Variants in SLC9A9 observed in about 807,000 individuals in gnomAD.
The protein encoded by SLC9A9 is sodium/hydrogen exchanger 9.
In SLC9A9, 62 loss-of-function variants were observed where a neutral mutation model predicts 77.8. The observed-to-expected ratio is 0.80, with a 90% CI of 0.65 to 0.98. The LOEUF (loss-of-function observed/expected upper bound fraction) is 0.98, where lower values mean the gene tolerates loss of function less well. Among genes scored for constraint, SLC9A9 ranks in the 50% least tolerant of loss-of-function variants. The pLI, the probability that SLC9A9 is intolerant of heterozygous loss-of-function variation, is 0.00. For missense variants in SLC9A9, 775 were observed against 774.9 expected, an observed-to-expected ratio of 1.00 and a Z score of 0.00; for synonymous variants, 320 against 283.5, an observed-to-expected ratio of 1.13 and a Z score of -1.29.
At chr3:143,762,616 C>A (rs1030162206) in intron 4 of SLC9A9, among the ~76,000 whole-genome samples, 2 of 152,146 alleles carry the variant, frequency 1.3e-5, no homozygotes, top group African/African-American at 4.8e-5. Context: ...GGCAATAAAA[C>A]TACCTAGAAT....
At chr3:143,352,845 A>C (rs1465859291) in intron 14 of SLC9A9, among the ~76,000 whole-genome samples, 1 of 152,118 alleles carries the variant, frequency 6.6e-6, no homozygotes, top group Non-Finnish European at 1.5e-5. Flanking sequence ...ATTATTTTCA[A>C]TTTATTCTTC....
At chr3:143,639,708 T>A (rs2038589015) in intron 6 of SLC9A9, among the ~76,000 whole-genome samples, 1 of 152,180 alleles carries the variant, frequency 6.6e-6, no homozygotes, top group African/African-American at 2.4e-5. Context: ...ACCCATTGGA[T>A]AAACAACAGC....
intron 15 of SLC9A9, among the ~76,000 whole-genome samples, chr3:143,268,358 G>A (rs973951304): frequency 6.6e-6 from 1 of 152,040 alleles, no homozygotes; most frequent in African/African-American, 2.4e-5. Context: ...TAAAAATATT[G>A]GTAACAATAA....
At chr3:143,363,080 T>G (rs183096672) in intron 14 of SLC9A9, among the ~76,000 whole-genome samples, 6 of 152,114 alleles carry the variant, frequency 3.9e-5, no homozygotes, top group Admixed American at 2.6e-4. Context: ...GGGAGAAGGG[T>G]GCAGGAGCTT....
chr3:143,313,998 C>A (rs116027655), intron 14 of SLC9A9, among the ~76,000 whole-genome samples: 2,248 of 152,264 alleles, frequency 0.015, 50 homozygotes, highest in African/African-American at 0.05. Context: ...AGGGCATGGG[C>A]GGGGTGGAGA....
Position 143,266,369 on chromosome 3 carries a change from G to A in SLC9A9, c.*333C>T, listed in dbSNP as rs1225333278. The A allele has an allele frequency of 3.6e-6, 2 of 554,600 alleles. No homozygotes were observed. Among genetic ancestry groups the A allele is most frequent in the East Asian group, 3.1e-5 (1 of 32,198 alleles). 34.4% of individuals were successfully genotyped at this position (554,600 alleles called of 1,614,324 possible). A position where few individuals can be genotyped will look rare whatever the true frequency, so the allele number is the denominator to read the frequency against. ...CCAGAATAGAAGTGAAGGGCCTGGA[G>A]AGCCGCATTCGCAGCAGAAATGCCC... is the stretch of plus-strand genomic sequence containing the variant. On this transcript the variant is annotated 3_prime_UTR_variant, in exon 16 of 16. Coordinates refer to ENST00000316549, the MANE Select transcript of SLC9A9 (RefSeq NM_173653.4).
chr3:143,800,052 A>G (rs535936309), intron 2 of SLC9A9, among the ~76,000 whole-genome samples: 46 of 152,278 alleles, frequency 3.0e-4, no homozygotes, highest in African/African-American at 1.0e-3. Context: ...TATTAAGTCG[A>G]GACATTTTAA....
rs551606721 is a variant in SLC9A9, at chr3:143,503,602, G to T, written c.1090-8154C>A. 5.9e-5 allele frequency: 26 copies of T among 442,764 alleles called. No homozygotes were observed. In the East Asian group the frequency reaches 1.5e-3, roughly 26 times the overall value. The allele number at this position is 442,764 out of a possible 1,614,324, so 27.4% of individuals were successfully genotyped here. On this transcript the variant is annotated intron_variant, in intron 9 of 15. Transcript: ENST00000316549. Reference sequence around the variant, plus strand: ...GAAGGATATGCCAATGAGCTTCCTGGTTCAGCTCAGGGATGACCTTGCCCA... The same window carrying T: ...GAAGGATATGCCAATGAGCTTCCTGTTTCAGCTCAGGGATGACCTTGCCCA...
At chr3:143,756,775 C>T (rs904693224) in intron 4 of SLC9A9, among the ~76,000 whole-genome samples, 3 of 152,124 alleles carry the variant, frequency 2.0e-5, no homozygotes, top group South Asian at 2.1e-4. Flanking sequence ...AATGTGTATG[C>T]TTCTTTTAAT....
At chr3:143,601,630 A>G (rs566966715) in intron 6 of SLC9A9, among the ~76,000 whole-genome samples, 1 of 152,304 alleles carries the variant, frequency 6.6e-6, no homozygotes, top group African/African-American at 2.4e-5. Flanking sequence ...CACTTTCCAA[A>G]TTCATGTATT....
At chr3:143,649,562 G>A (rs2038763868) in intron 6 of SLC9A9, among the ~76,000 whole-genome samples, 1 of 152,048 alleles carries the variant, frequency 6.6e-6, no homozygotes, top group Admixed American at 6.5e-5. Context: ...ATTAATAATA[G>A]GCTTCTTATA....
At chr3:143,421,696 G>C (rs2034300064) in intron 12 of SLC9A9, among the ~76,000 whole-genome samples, 1 of 152,156 alleles carries the variant, frequency 6.6e-6, no homozygotes, top group African/African-American at 2.4e-5. Flanking sequence ...AAGAATTTAT[G>C]ACTAAGCCCT....
intron 11 of SLC9A9, among the ~76,000 whole-genome samples, chr3:143,470,440 A>G (rs1322100613): frequency 6.6e-6 from 1 of 150,404 alleles, no homozygotes; most frequent in East Asian, 2.0e-4. Context: ...AGATCGCGCC[A>G]TTGTACTCCA....
chr3:143,391,899 G>A (rs779189695), intron 12 of SLC9A9, among the ~76,000 whole-genome samples: 4 of 152,078 alleles, frequency 2.6e-5, no homozygotes, highest in Admixed American at 6.5e-5. Context: ...GAAGTTTAGA[G>A]AAAAAAGAGT....
chr3:143,499,942 A>G (rs1301665297), intron 9 of SLC9A9, among the ~76,000 whole-genome samples: 1 of 152,214 alleles, frequency 6.6e-6, no homozygotes, highest in African/African-American at 2.4e-5. Context: ...GTCATTATAT[A>G]TTAACCTTTT....
At chr3:143,494,096 C>T (rs1162152544) in intron 10 of SLC9A9, among the ~76,000 whole-genome samples, 1 of 152,166 alleles carries the variant, frequency 6.6e-6, no homozygotes, top group Non-Finnish European at 1.5e-5. Context: ...AGGCAGAGAC[C>T]ATTCAGATGC....
At chr3:143,564,865 T>C (rs1369380000) in intron 8 of SLC9A9, among the ~76,000 whole-genome samples, 1 of 152,190 alleles carries the variant, frequency 6.6e-6, no homozygotes, top group Admixed American at 6.6e-5. Flanking sequence ...AAAAATATCC[T>C]CTATGTAAAT....
chr3:143,377,030 A>G (rs1010643437), intron 13 of SLC9A9, among the ~76,000 whole-genome samples: 2 of 152,178 alleles, frequency 1.3e-5, no homozygotes, highest in Admixed American at 1.3e-4. Context: ...AGTTTGGGGG[A>G]TGGGTATGTT....
intron 13 of SLC9A9, among the ~76,000 whole-genome samples, chr3:143,374,411 A>G (rs2033130539): frequency 8.1e-6 from 1 of 123,342 alleles, no homozygotes; most frequent in Non-Finnish European, 1.6e-5. Context: ...GGAGACAGCG[A>G]GACTCTGTCT....
Sources: allele counts gnomAD v4.1 joint callset (sites outside exome capture counted in the v4.1 genomes callset), GRCh38; gene constraint gnomAD v4.1.1; transcripts MANE v1.5; gene names NCBI Gene and HGNC (gene_info 2026-07-23, HGNC 2026-07-21).